TNIP3: variants seen among roughly 807,000 people sequenced by gnomAD.
The protein encoded by TNIP3 is TNFAIP3 interacting protein 3, also known as TNFAIP3-interacting protein 3.
TNIP3 carries 34 observed loss-of-function variants against 54.1 expected under a neutral mutation model. The ratio of observed to expected loss-of-function variants is 0.63; its 90% CI spans 0.48 to 0.84. The LOEUF (loss-of-function observed/expected upper bound fraction) is 0.84. TNIP3 is among the 40% of genes least tolerant of loss of function. The probability of loss-of-function intolerance (pLI) is 0.00; values close to 1 mark genes in which losing one functional copy is unlikely to be tolerated. For synonymous variants in TNIP3, 134 were observed against 136.8 expected, an observed-to-expected ratio of 0.98 and a Z score of 0.14; for missense variants, 366 against 387.6, an observed-to-expected ratio of 0.94 and a Z score of 0.47.
intron 5 of TNIP3, among the ~76,000 whole-genome samples, chr4:121,150,503 A>T (rs1729684561): frequency 6.6e-6 from 1 of 152,190 alleles, no homozygotes; most frequent in African/African-American, 2.4e-5. Flanking sequence ...CTATGAAAAC[A>T]AAATCTGTAT....
At chr4:121,149,785 A>T (rs143618889) in intron 6 of TNIP3, among the ~76,000 whole-genome samples, 61 of 152,174 alleles carry the variant, frequency 4.0e-4, no homozygotes, top group Non-Finnish European at 7.9e-4. Flanking sequence ...AACAAAAACC[A>T]TGTCTACGTG....
intron 2 of TNIP3, among the ~76,000 whole-genome samples, chr4:121,207,598 G>C (rs1726256862): frequency 6.6e-6 from 1 of 152,066 alleles, no homozygotes; most frequent in South Asian, 2.1e-4. Context: ...CTGCAGATTT[G>C]GGGCATGGCA....
At chr4:121,186,557 AC>A (rs1299935408) in intron 2 of TNIP3, among the ~76,000 whole-genome samples, 2 of 152,106 alleles carry the variant, frequency 1.3e-5, no homozygotes, top group African/African-American at 4.8e-5. Context: ...GCTTCTATGA[AC>A]CTTTTTGGCC....
At chr4:121,218,723 C>T (rs1337621056), upstream of TNIP3, among the ~76,000 whole-genome samples, 1 of 151,740 alleles carries the variant, frequency 6.6e-6, no homozygotes, top group Non-Finnish European at 1.5e-5. Flanking sequence ...TTACAGTGCA[C>T]TATAGTTCTG....
intron 2 of TNIP3, among the ~76,000 whole-genome samples, chr4:121,214,603 C>T (rs181662316): frequency 1.1e-4 from 17 of 152,068 alleles, no homozygotes; most frequent in African/African-American, 3.9e-4. Flanking sequence ...TTTCTTTTTC[C>T]CTTCCTTCTT....
Position 121,132,331 on chromosome 4 carries a change from C to A in TNIP3, c.*300G>T. 2.9e-6 allele frequency: 1 copy of A among 343,288 alleles called. No homozygotes were observed. The allele number at this position is 343,288 out of a possible 1,614,324, so 21.3% of individuals were successfully genotyped here. A position where few individuals can be genotyped will look rare whatever the true frequency, so the allele number is the denominator to read the frequency against. ...AATCATAGAATCATTTTTGTGCATC[C>A]AACAGCAATATGCTGAAGAGATTTT... On this transcript the variant is annotated 3_prime_UTR_variant, in exon 11 of 11. Transcript: ENST00000057513.
At chr4:121,133,310 T>C (rs1728587017) in intron 10 of TNIP3, among the ~76,000 whole-genome samples, 2 of 152,234 alleles carry the variant, frequency 1.3e-5, no homozygotes, top group African/African-American at 4.8e-5. Flanking sequence ...GTTGTCCTCA[T>C]TTGGTATACC....
At chr4:121,174,785 A>G (rs1171191296) in intron 3 of TNIP3, among the ~76,000 whole-genome samples, 1 of 152,220 alleles carries the variant, frequency 6.6e-6, no homozygotes, top group African/African-American at 2.4e-5. Flanking sequence ...CAAGTACAAA[A>G]TAAAGTAAAA....
intron 6 of TNIP3, among the ~76,000 whole-genome samples, chr4:121,148,828 T>C (rs1204856589): frequency 6.6e-6 from 1 of 152,224 alleles, no homozygotes; most frequent in Non-Finnish European, 1.5e-5. Context: ...CAAAAATCTT[T>C]GTACTTAGTA....
chr4:121,163,266 T>A (rs751311902), intron 1 of TNIP3, among the ~76,000 whole-genome samples: 12 of 152,304 alleles, frequency 7.9e-5, no homozygotes, highest in African/African-American at 2.9e-4. Context: ...ATAGTTCATA[T>A]GTCTCAGGTT....
intron 2 of TNIP3, among the ~76,000 whole-genome samples, chr4:121,190,884 G>A (rs972111882): frequency 6.6e-6 from 1 of 152,098 alleles, no homozygotes; most frequent in Non-Finnish European, 1.5e-5. Context: ...TGCTAAGATG[G>A]GATCTTCTAC....
At chr4:121,148,905 C>T (rs914212354) in intron 6 of TNIP3, among the ~76,000 whole-genome samples, 1 of 152,138 alleles carries the variant, frequency 6.6e-6, no homozygotes, top group Non-Finnish European at 1.5e-5. Flanking sequence ...GCTTTCCAGC[C>T]CTTTGTTCTA....
chr4:121,153,515 C>G (rs2148808809), intron 5 of TNIP3, among the ~76,000 whole-genome samples: 1 of 152,122 alleles, frequency 6.6e-6, no homozygotes, highest in South Asian at 2.1e-4. Context: ...TAGATTTTGC[C>G]CCGCATTTGT....
At chr4:121,167,990 G>C (rs1379517512), upstream of TNIP3, among the ~76,000 whole-genome samples, 1 of 152,064 alleles carries the variant, frequency 6.6e-6, no homozygotes, top group African/African-American at 2.4e-5. Context: ...TGCCTTCCCT[G>C]TTACAATTAA....
chr4:121,150,311 C>A (rs1334660214), intron 5 of TNIP3, 92 bp from the exon 6 acceptor site: 9 of 697,518 alleles, frequency 1.3e-5, no homozygotes, highest in Non-Finnish European at 1.2e-5. Flanking sequence ...AATGCACCCA[C>A]AAATATGCAT....
chr4:121,204,829 G>A (rs1427454554), intron 2 of TNIP3, among the ~76,000 whole-genome samples: 1 of 152,140 alleles, frequency 6.6e-6, no homozygotes. Context: ...TCAGCTATGT[G>A]TAAGAATTCT....
At chr4:121,190,468 T>G (rs1479876805) in intron 2 of TNIP3, among the ~76,000 whole-genome samples, 1 of 152,178 alleles carries the variant, frequency 6.6e-6, no homozygotes, top group African/African-American at 2.4e-5. Flanking sequence ...CCTGTGCAAG[T>G]TGGTCCCCTG....
chr4:121,147,324 A>G, intron 6 of TNIP3, 150 bp from the exon 7 acceptor site: 1 of 895,754 alleles, frequency 1.1e-6, no homozygotes, highest in Non-Finnish European at 1.6e-6. Context: ...CAAGTCATCC[A>G]TCCCTAACAC....
At chr4:121,196,586 G>A (rs1250623993) in intron 2 of TNIP3, among the ~76,000 whole-genome samples, 1 of 151,668 alleles carries the variant, frequency 6.6e-6, no homozygotes, top group Non-Finnish European at 1.5e-5. Context: ...CAAATTACCT[G>A]AGATATAAAG....
Sources: gnomAD v4.1 joint callset for allele counts (sites outside exome capture counted in the v4.1 genomes callset) on GRCh38, gnomAD v4.1.1 for gene constraint, MANE v1.5 for transcripts, NCBI Gene and HGNC (gene_info 2026-07-23, HGNC 2026-07-21) for gene names.